VTI1A: variants seen among roughly 807,000 people sequenced by gnomAD.
VTI1A encodes the protein vesicle transport through interaction with t-SNAREs homolog 1A.
In VTI1A, 22 loss-of-function variants were observed where a neutral mutation model predicts 34.9. That is an observed-to-expected ratio of 0.63 (90% CI 0.45 to 0.90). The LOEUF (loss-of-function observed/expected upper bound fraction) is 0.90. VTI1A is among the 40% of genes least tolerant of loss of function. The pLI, the probability that VTI1A is intolerant of heterozygous loss-of-function variation, is 0.00. For synonymous variants in VTI1A, 87 were observed against 97.3 expected (o/e 0.89, Z 0.62); for missense variants, 268 against 275.6 (o/e 0.97, Z 0.20).
intron 5 of VTI1A, among the ~76,000 whole-genome samples, chr10:112,601,746 G>T (rs1844888114): frequency 6.6e-6 from 1 of 152,162 alleles, no homozygotes; most frequent in Non-Finnish European, 1.5e-5. Context: ...GGGGATGGGG[G>T]ATGCCATGTG....
chr10:112,685,950 C>G (rs1848392588), intron 7 of VTI1A, among the ~76,000 whole-genome samples: 1 of 152,150 alleles, frequency 6.6e-6, no homozygotes, highest in African/African-American at 2.4e-5. Context: ...CACAAAAAAA[C>G]ACACTATTTA....
At chr10:112,703,922 T>C (rs1849102396) in intron 7 of VTI1A, among the ~76,000 whole-genome samples, 8 of 152,216 alleles carry the variant, frequency 5.3e-5, no homozygotes. Flanking sequence ...AGTGTTGAGG[T>C]CTTGAAGGGC....
chr10:112,574,243 G>A (rs1049787554), intron 5 of VTI1A, among the ~76,000 whole-genome samples: 1 of 152,184 alleles, frequency 6.6e-6, no homozygotes, highest in Non-Finnish European at 1.5e-5. Flanking sequence ...GAGAACTGAC[G>A]TCTACTAATT....
At chr10:112,714,327 C>T (rs1849532180) in intron 7 of VTI1A, among the ~76,000 whole-genome samples, 1 of 152,134 alleles carries the variant, frequency 6.6e-6, no homozygotes, top group East Asian at 1.9e-4. Context: ...CTTTCCCCTG[C>T]TTTAGTTCTT....
At chr10:112,708,986 T>C (rs981246742) in intron 7 of VTI1A, among the ~76,000 whole-genome samples, 2 of 152,220 alleles carry the variant, frequency 1.3e-5, no homozygotes, top group Non-Finnish European at 2.9e-5. Flanking sequence ...TTGCTGGTAG[T>C]TTCTGAATCT....
intron 5 of VTI1A, among the ~76,000 whole-genome samples, chr10:112,574,242 C>A (rs1272087129): frequency 1.3e-5 from 2 of 152,152 alleles, no homozygotes; most frequent in Non-Finnish European, 2.9e-5. Flanking sequence ...GGAGAACTGA[C>A]GTCTACTAAT....
At chr10:112,556,993 T>C (rs1206370181) in intron 5 of VTI1A, among the ~76,000 whole-genome samples, 1 of 152,090 alleles carries the variant, frequency 6.6e-6, no homozygotes, top group Non-Finnish European at 1.5e-5. Flanking sequence ...ATTTTTTATT[T>C]GAAAATCTCA....
intron 3 of VTI1A, among the ~76,000 whole-genome samples, chr10:112,503,919 C>T (rs769570414): frequency 2.0e-5 from 3 of 152,168 alleles, no homozygotes; most frequent in Non-Finnish European, 4.4e-5. Flanking sequence ...TTCTCCATGG[C>T]ACAGGTTTCA....
intron 2 of VTI1A, among the ~76,000 whole-genome samples, chr10:112,462,726 G>C (rs1042801677): frequency 6.6e-6 from 1 of 152,080 alleles, no homozygotes; most frequent in African/African-American, 2.4e-5. Context: ...TTATCTGTAT[G>C]CTACTGTAGT....
intron 5 of VTI1A, among the ~76,000 whole-genome samples, chr10:112,651,791 G>T (rs920883075): frequency 2.6e-5 from 4 of 152,206 alleles, no homozygotes; most frequent in African/African-American, 9.6e-5. Context: ...TCTAAGGATA[G>T]TTCCTCCAGG....
chr10:112,640,174 A>G (rs964421368), intron 5 of VTI1A, among the ~76,000 whole-genome samples: 13 of 152,290 alleles, frequency 8.5e-5, no homozygotes, highest in Admixed American at 1.3e-4. Flanking sequence ...CAGCATTTTA[A>G]ATCTATTTAC....
At chr10:112,558,079 G>T (rs1483870575) in intron 5 of VTI1A, among the ~76,000 whole-genome samples, 1 of 152,156 alleles carries the variant, frequency 6.6e-6, no homozygotes, top group African/African-American at 2.4e-5. Context: ...CTGTTCATGT[G>T]TGTTTCCTGG....
At chr10:112,585,920 A>G (rs1844135982) in intron 5 of VTI1A, among the ~76,000 whole-genome samples, 1 of 152,130 alleles carries the variant, frequency 6.6e-6, no homozygotes. Flanking sequence ...GAGGTCAAGG[A>G]TGTGCCTGCA....
intron 5 of VTI1A, among the ~76,000 whole-genome samples, chr10:112,652,726 C>CAAAAAAA (rs779424975): frequency 1.9e-5 from 2 of 106,416 alleles, no homozygotes; most frequent in African/African-American, 3.8e-5. Flanking sequence ...GACCTTGTCT[C>CAAAAAAA]AAAAAAAAAA....
chr10:112,830,845 ATAT>A, the VTI1A span, among the ~76,000 whole-genome samples: 1 of 42,036 alleles, frequency 2.4e-5, no homozygotes, highest in African/African-American at 1.0e-4. Flanking sequence ...ATATATATAT[ATAT>A]ATTTTTTTTT....
chr10:112,490,892 G>A (rs950007318), intron 3 of VTI1A, among the ~76,000 whole-genome samples: 1 of 152,102 alleles, frequency 6.6e-6, no homozygotes, highest in Non-Finnish European at 1.5e-5. Context: ...ATAGCATTGA[G>A]AAAGGCACTT....
intron 5 of VTI1A, among the ~76,000 whole-genome samples, chr10:112,620,347 A>G (rs1845683391): frequency 6.6e-6 from 1 of 152,206 alleles, no homozygotes; most frequent in Non-Finnish European, 1.5e-5. Flanking sequence ...TACACAGTTT[A>G]GCGGAAAGAA....
chr10:112,736,744 A>G (rs1003534373), intron 7 of VTI1A: 7 of 1,550,890 alleles, frequency 4.5e-6, no homozygotes, highest in African/African-American at 2.7e-5. Context: ...TGAAAAAACA[A>G]TGTAACCTGT....
chr10:112,643,997 AAT>A (rs1403035690), intron 5 of VTI1A, among the ~76,000 whole-genome samples: 2 of 152,262 alleles, frequency 1.3e-5, no homozygotes, highest in African/African-American at 4.8e-5. Flanking sequence ...AAAAAAAAAA[AAT>A]GTCCTGGCTT....
Sources: gnomAD v4.1 joint callset for allele counts (sites outside exome capture counted in the v4.1 genomes callset) on GRCh38, gnomAD v4.1.1 for gene constraint, MANE v1.5 for transcripts, NCBI Gene and HGNC (gene_info 2026-07-23, HGNC 2026-07-21) for gene names.